Variants in FOXP2 observed in about 807,000 individuals in gnomAD.
FOXP2 encodes forkhead box P2.
Under a neutral mutation model 115.8 loss-of-function variants are expected in FOXP2, and 12 were observed. The observed-to-expected ratio is 0.10, with a 90% CI of 0.07 to 0.17. The LOEUF (loss-of-function observed/expected upper bound fraction) is 0.17, where lower values mean the gene tolerates loss of function less well. Ranked by LOEUF, FOXP2 falls within the 10% of genes least tolerant of loss-of-function variation. FOXP2 has a pLI of 1.00. For synonymous variants in FOXP2, 328 were observed against 297.7 expected (o/e 1.10, Z -1.05); for missense variants, 629 against 843.5 (o/e 0.75, Z 3.15).
chr7:114,357,419 C>G (rs1182735598), intron 2 of FOXP2, among the ~76,000 whole-genome samples: 1 of 152,106 alleles, frequency 6.6e-6, no homozygotes, highest in African/African-American at 2.4e-5. Context: ...GGTTCATTTG[C>G]TTTATTGGTT....
intron 1 of FOXP2, among the ~76,000 whole-genome samples, chr7:114,196,789 C>G (rs1156661007): frequency 6.6e-6 from 1 of 152,108 alleles, no homozygotes; most frequent in Non-Finnish European, 1.5e-5. Context: ...TTCAAGTTCC[C>G]CTTATTTACA....
At chr7:114,503,091 A>G (rs1025606631) in intron 2 of FOXP2, among the ~76,000 whole-genome samples, 1 of 152,008 alleles carries the variant, frequency 6.6e-6, no homozygotes, top group African/African-American at 2.4e-5. Flanking sequence ...AGTAGCACAC[A>G]GAAAAACCAT....
At chr7:114,595,850 C>T (rs189442892) in intron 3 of FOXP2, among the ~76,000 whole-genome samples, 7 of 151,782 alleles carry the variant, frequency 4.6e-5, no homozygotes, top group Admixed American at 2.0e-4. Flanking sequence ...GAGGATCAGT[C>T]GGGGGAAATG....
chr7:114,496,541 A>G (rs1797329831), intron 2 of FOXP2, among the ~76,000 whole-genome samples: 1 of 152,166 alleles, frequency 6.6e-6, no homozygotes, highest in Admixed American at 6.5e-5. Flanking sequence ...AGAGAGAGCA[A>G]TTAATGTTTG....
intron 1 of FOXP2, among the ~76,000 whole-genome samples, chr7:114,254,119 C>T (rs1422311079): frequency 6.6e-6 from 1 of 152,082 alleles, no homozygotes; most frequent in Non-Finnish European, 1.5e-5. Context: ...TGAATATTGG[C>T]CCCCCACTCT....
rs182713914 is a variant in FOXP2, at chr7:114,548,761, G to T, written c.258+14055G>T. ...AGGAAGTTACTGCTGAATGTTGGCA[G>T]TGCTGATGAGGGATTCTGATGGAAC... On this transcript the variant is annotated intron_variant, in intron 3 of 16. Coordinates refer to ENST00000350908, the MANE Select transcript of FOXP2 (RefSeq NM_014491.4). Among the ~76,000 whole-genome samples the T allele has an allele frequency of 1.5e-3, 233 of 152,322 alleles. 2 individuals carry two copies. Among genetic ancestry groups the T allele is most frequent in the African/African-American group, 5.4e-3 (223 of 41,576 alleles).
rs750701057 is a variant in FOXP2 at position 114,426,617 on chromosome 7, T to C, written c.106T>C (p.Ser36Pro). The change falls in exon 2 of 17, where the codon TCA (serine) becomes CCA (proline). Residue 36 changes from serine (S) to proline (P), a missense_variant. Physicochemically the swap from Ser to Pro is moderately conservative, Grantham distance 74. This residue lies in a region of FOXP2 where 91 missense variants were observed against 98.3 expected (regional missense o/e 0.93). Coordinates refer to ENST00000350908, the MANE Select transcript of FOXP2 (RefSeq NM_014491.4). ...AGATGCTGGCAGCAGAGATGGAAGA[T>C]CAAGTGGTGACACCAGCTCTGAAGT... ...QLDAGSRDGR[S>P]SGDTSSEVST... The C allele has an allele frequency of 9.9e-6, 16 of 1,611,516 alleles. No individual in the cohort carries two copies. The highest frequency in any genetic ancestry group is 3.3e-5 in the Admixed American group (2 of 59,716).
chr7:114,448,815 T>G (rs1166471212), intron 2 of FOXP2, among the ~76,000 whole-genome samples: 6 of 152,130 alleles, frequency 3.9e-5, no homozygotes, highest in African/African-American at 1.4e-4. Context: ...AAGTTAAAAG[T>G]TTTATTTTAT....
At chr7:114,570,684 C>T in intron 3 of FOXP2, 1 of 737,658 alleles carries the variant, frequency 1.4e-6, no homozygotes, top group South Asian at 1.5e-5. Context: ...ATATTCTTCC[C>T]TATTTTGACC....
At position 114,494,596 on chromosome 7, in the gene FOXP2, G is replaced by C. The variant is rs143372189; in HGVS notation, c.169-40021G>C. 6.5e-3 allele frequency among the ~76,000 whole-genome samples: 982 copies of C among 152,226 alleles called. 11 individuals are homozygous for C. Among genetic ancestry groups the C allele is most frequent in the African/African-American group, 0.022 (919 of 41,534 alleles). ...TTTCTCAGACCGCTAGTAATTACTA[G>C]AAAGAAGGTGATAATAAAAATCCAT... On this transcript the variant is annotated intron_variant, in intron 2 of 16. Transcript: ENST00000350908.
At chr7:114,591,513 A>G (rs993547631) in intron 3 of FOXP2, among the ~76,000 whole-genome samples, 1 of 152,050 alleles carries the variant, frequency 6.6e-6, no homozygotes, top group Non-Finnish European at 1.5e-5. Context: ...TATATGTCAG[A>G]TGGAAGCTAT....
intron 2 of FOXP2, among the ~76,000 whole-genome samples, chr7:114,429,389 A>C (rs1794007426): frequency 1.3e-5 from 2 of 151,474 alleles, no homozygotes; most frequent in Non-Finnish European, 3.0e-5. Flanking sequence ...ATTAGTTTAA[A>C]AAAAAGCCTT....
At chr7:114,126,870 T>C (rs1455917624) in intron 1 of FOXP2, among the ~76,000 whole-genome samples, 2 of 152,204 alleles carry the variant, frequency 1.3e-5, no homozygotes, top group African/African-American at 2.4e-5. Flanking sequence ...CTTCACTTTT[T>C]CTTTTCTTTT....
At chr7:114,099,322 G>T (rs1036728162) in intron 1 of FOXP2, among the ~76,000 whole-genome samples, 44 of 152,132 alleles carry the variant, frequency 2.9e-4, no homozygotes, top group African/African-American at 1.0e-3. Context: ...ACCACTGTGA[G>T]GTATCATCTC....
rs1212811354 is a variant in FOXP2, at chr7:114,317,937, C to T, written c.-11+29828C>T. ...AGCTGTTCCCTCTGACTGGGTTGCT[C>T]TTCCTCCATTTATCTGCATGGCTAA... On this transcript the variant is annotated intron_variant, in intron 2 of 17. Transcript: ENST00000634411. 3.9e-5 allele frequency among the ~76,000 whole-genome samples: 6 copies of T among 152,094 alleles called. No individual in the cohort carries two copies. In the East Asian group the frequency reaches 1.2e-3, roughly 29 times the overall value.
At chr7:114,604,254 G>A (rs1229440030) in intron 3 of FOXP2, among the ~76,000 whole-genome samples, 1 of 152,042 alleles carries the variant, frequency 6.6e-6, no homozygotes, top group Non-Finnish European at 1.5e-5. Context: ...TTTTTATGAG[G>A]ACACGAATCC....
chr7:114,210,381 G>C (rs1794312778), intron 1 of FOXP2, among the ~76,000 whole-genome samples: 1 of 152,130 alleles, frequency 6.6e-6, no homozygotes. Flanking sequence ...TCTTTTAACA[G>C]TCAGGTCACT....
intron 2 of FOXP2, among the ~76,000 whole-genome samples, chr7:114,501,727 A>G (rs1484719386): frequency 6.6e-6 from 1 of 152,136 alleles, no homozygotes; most frequent in Non-Finnish European, 1.5e-5. Context: ...ATATTTTCCA[A>G]TATTTTAGTA....
intron 2 of FOXP2, among the ~76,000 whole-genome samples, chr7:114,433,580 C>T (rs145483683): frequency 1.0e-3 from 154 of 151,984 alleles, no homozygotes; most frequent in African/African-American, 2.5e-3. Context: ...TTTTATTTAT[C>T]GTAGTCTTGG....
Sources: allele counts gnomAD v4.1 joint callset (sites outside exome capture counted in the v4.1 genomes callset), GRCh38; gene constraint gnomAD v4.1.1; regional missense constraint gnomAD v4.1.1; transcripts MANE v1.5; gene names NCBI Gene and HGNC (gene_info 2026-07-23, HGNC 2026-07-21).